The following LRRC2 variants were observed in gnomAD, a reference collection of about 807,000 sequenced individuals.
The protein encoded by LRRC2 is leucine rich repeat containing 2, also known as leucine-rich repeat-containing protein 2.
Under a neutral mutation model 40.2 loss-of-function variants are expected in LRRC2, and 27 were observed. The observed-to-expected ratio is 0.67, with a 90% CI of 0.49 to 0.93. LRRC2 has a LOEUF of 0.93. Among genes scored for constraint, LRRC2 ranks in the 40% least tolerant of loss-of-function variants. The pLI is 0.00. For synonymous variants in LRRC2, 147 were observed against 158.9 expected (o/e 0.92, Z 0.56); for missense variants, 402 against 439.6 (o/e 0.91, Z 0.76).
intron 3 of LRRC2, among the ~76,000 whole-genome samples, chr3:46,543,813 C>A (rs1028717334): frequency 6.6e-6 from 1 of 152,038 alleles, no homozygotes; most frequent in Non-Finnish European, 1.5e-5. Flanking sequence ...AGACATGCCT[C>A]CCTTCGTGCC....
At chr3:46,547,827 G>A (rs1704562290) in intron 2 of LRRC2, among the ~76,000 whole-genome samples, 1 of 151,970 alleles carries the variant, frequency 6.6e-6, no homozygotes, top group Admixed American at 6.6e-5. Context: ...TGGAATTGTT[G>A]CTTTTCCTTA....
intron 3 of LRRC2, among the ~76,000 whole-genome samples, chr3:46,542,712 T>C (rs973970024): frequency 1.3e-5 from 2 of 152,058 alleles, no homozygotes; most frequent in African/African-American, 4.8e-5. Context: ...AAATTAAACA[T>C]GTGGTAGTAA....
At chr3:46,545,351 G>T in intron 2 of LRRC2, 98 bp from the exon 3 acceptor site, 1 of 1,003,338 alleles carries the variant, frequency 1.0e-6, no homozygotes, top group Non-Finnish European at 1.5e-6. Context: ...TGCTCTCCTT[G>T]TCATTCCCAG....
intron 1 of LRRC2, 42 bp from the exon 2 acceptor site, chr3:46,551,652 CAG>C (rs1165390661): frequency 1.4e-6 from 2 of 1,460,204 alleles, no homozygotes; most frequent in African/African-American, 1.4e-5. Context: ...GATACACAAA[CAG>C]AAAACAGTTT....
At chr3:46,541,488 G>A (rs1180464208) in intron 3 of LRRC2, among the ~76,000 whole-genome samples, 1 of 152,108 alleles carries the variant, frequency 6.6e-6, no homozygotes, top group African/African-American at 2.4e-5. Flanking sequence ...AACTTTTTAG[G>A]TGCCATAAAC....
Position 46,524,016 on chromosome 3 carries a change from T to C in LRRC2, c.930-2358A>G, listed in dbSNP as rs964022509. On this transcript the variant is annotated intron_variant, in intron 7 of 8. Coordinates refer to ENST00000395905, the MANE Select transcript of LRRC2 (RefSeq NM_024512.5). ...TTTGCCTGCAGCTTGATTCTAAAATTGAAAATCAATAAATAATATTTACAT... is the reference window on the plus strand; with the variant it reads ...TTTGCCTGCAGCTTGATTCTAAAATCGAAAATCAATAAATAATATTTACAT... Among the ~76,000 whole-genome samples, 3 of 152,218 alleles carry C rather than the reference T, an allele frequency of 2.0e-5. No homozygotes were observed. In the South Asian group the frequency reaches 6.2e-4, roughly 32 times the overall value.
intron 3 of LRRC2, 38 bp downstream of exon 3, chr3:46,545,008 C>T (rs1255040237): frequency 7.6e-6 from 12 of 1,588,558 alleles, no homozygotes; most frequent in African/African-American, 1.3e-5. Context: ...CAGTCATCGA[C>T]CACAGCACTG....
At chr3:46,549,191 ATTTG>A (rs1323605195) in intron 2 of LRRC2, among the ~76,000 whole-genome samples, 1 of 152,208 alleles carries the variant, frequency 6.6e-6, no homozygotes, top group Non-Finnish European at 1.5e-5. Flanking sequence ...AGGAGGTTTT[ATTTG>A]TTTCAGTAAA....
At chr3:46,547,454 C>T (rs946918566) in intron 2 of LRRC2, among the ~76,000 whole-genome samples, 2 of 151,840 alleles carry the variant, frequency 1.3e-5, no homozygotes, top group Admixed American at 1.3e-4. Context: ...TGAGACCAGC[C>T]TGGGAAACAA....
At chr3:46,533,766 C>T (rs1027012207) in intron 4 of LRRC2, among the ~76,000 whole-genome samples, 2 of 70,914 alleles carry the variant, frequency 2.8e-5, no homozygotes, top group African/African-American at 5.1e-5. Context: ...CCCTCCCTCC[C>T]TCCCTCTCTT....
At chr3:46,563,678 A>G (rs913377609) in intron 1 of LRRC2, among the ~76,000 whole-genome samples, 1 of 152,208 alleles carries the variant, frequency 6.6e-6, no homozygotes, top group African/African-American at 2.4e-5. Context: ...TTGATTCATT[A>G]TATTTTGTCT....
rs761025101 is a variant in LRRC2 at position 46,545,067 on chromosome 3, T to C, written c.312A>G (p.Glu104=). Residue 104 remains glutamate, a synonymous_variant, in exon 3 of 9, where the codon GAA becomes GAG. Coordinates refer to ENST00000395905, the MANE Select transcript of LRRC2 (RefSeq NM_024512.5). ...TCACCGTCCAGTGCTCCCCAGAAAGTTCAAACACAAACGCACTGCTCCGTT... is the reference window on the plus strand; with the variant it reads ...TCACCGTCCAGTGCTCCCCAGAAAGCTCAAACACAAACGCACTGCTCCGTT... ...RGKRSSAFVF[E]LSGEHWTELP... is the part of the protein sequence containing the mutation. 5 of 1,612,774 alleles carry C rather than the reference T, an allele frequency of 3.1e-6. No homozygotes were observed. Among genetic ancestry groups the C allele is most frequent in the Non-Finnish European group, 4.2e-6 (5 of 1,179,904 alleles).
At chr3:46,558,916 T>G (rs930220848) in intron 1 of LRRC2, 13 of 151,892 alleles carry the variant, frequency 8.6e-5, no homozygotes, top group African/African-American at 3.1e-4. Flanking sequence ...AGAAAGAGAT[T>G]GGGGCCGGGG....
intron 2 of LRRC2, among the ~76,000 whole-genome samples, chr3:46,550,553 G>A (rs571219291): frequency 2.0e-4 from 31 of 152,000 alleles, no homozygotes; most frequent in African/African-American, 6.5e-4. Flanking sequence ...CACCACGCCC[G>A]GCTAATTTTT....
Position 46,545,057 on chromosome 3 carries a change from C to G in LRRC2, c.322G>C (p.Glu108Gln), listed in dbSNP as rs770693154. 18 of 1,612,516 alleles carry G rather than the reference C, an allele frequency of 1.1e-5. No individual in the cohort carries two copies. The highest frequency in any genetic ancestry group is 5.0e-5 in the Admixed American group (3 of 60,006). Residue 108 changes from glutamate to glutamine, a missense_variant, in exon 3 of 9, where the codon GAG becomes CAG. Transcript: ENST00000395905. ...SSAFVFELSG[E>Q]HWTELPDSLK... ...CTGCCTCGACTCACCGTCCAGTGCT[C>G]CCCAGAAAGTTCAAACACAAACGCA... is the stretch of plus-strand genomic sequence containing the variant.
At chr3:46,544,197 G>A (rs1359552578) in intron 3 of LRRC2, among the ~76,000 whole-genome samples, 11 of 152,036 alleles carry the variant, frequency 7.2e-5, no homozygotes, top group Non-Finnish European at 1.5e-4. Context: ...ACCAGCCTGG[G>A]CAACCTGGCA....
At chr3:46,538,662 A>AGCTAAACTAGATTTATCAATGG (rs1704317092) in intron 4 of LRRC2, among the ~76,000 whole-genome samples, 1 of 152,202 alleles carries the variant, frequency 6.6e-6, no homozygotes, top group African/African-American at 2.4e-5. Context: ...AGACAACATA[A>AGCTAAACTAGATTTATCAATGG]GCTAAACTAG....
chr3:46,523,649 G>A (rs1245949370), intron 7 of LRRC2, among the ~76,000 whole-genome samples: 1 of 152,002 alleles, frequency 6.6e-6, no homozygotes, highest in Non-Finnish European at 1.5e-5. Flanking sequence ...CCACTCATCT[G>A]TCCACACACC....
At position 46,516,293 on chromosome 3, in the gene LRRC2, T is replaced by C. The variant is rs373777824; in HGVS notation, c.*2721A>G. On this transcript the variant is annotated 3_prime_UTR_variant, in exon 9 of 9. Coordinates refer to ENST00000395905, the MANE Select transcript of LRRC2 (RefSeq NM_024512.5). ...CTTAGCCTACTTCTCAGAGTTTGTT[T>C]CTAAGTGGAAGCAGTCCTCCACCAA... is the stretch of plus-strand genomic sequence containing the variant. The C allele has an allele frequency of 6.6e-6, 1 of 152,066 alleles. No individual in the cohort carries two copies. The highest frequency in any genetic ancestry group is 1.9e-4 in the East Asian group (1 of 5,190). 9.4% of individuals were successfully genotyped at this position (152,066 alleles called of 1,614,324 possible).
Sources: allele counts gnomAD v4.1 joint callset (sites outside exome capture counted in the v4.1 genomes callset), GRCh38; gene constraint gnomAD v4.1.1; transcripts MANE v1.5; gene names NCBI Gene and HGNC (gene_info 2026-07-23, HGNC 2026-07-21).